Variants in FAT3 observed in about 807,000 individuals in gnomAD.
FAT3 encodes FAT atypical cadherin 3, also known as protocadherin Fat 3.
FAT3 carries 95 observed loss-of-function variants against 310.2 expected under a neutral mutation model. The observed-to-expected ratio is 0.31, with a 90% CI of 0.26 to 0.36. The LOEUF (loss-of-function observed/expected upper bound fraction) is 0.36. Among genes scored for constraint, FAT3 ranks in the 10% least tolerant of loss-of-function variants. The pLI, the probability that FAT3 is intolerant of heterozygous loss-of-function variation, is 1.00. For missense variants in FAT3, 5,408 were observed against 5,715.6 expected, an observed-to-expected ratio of 0.95 and a Z score of 1.74; for synonymous variants, 2,314 against 2,192.9, an observed-to-expected ratio of 1.06 and a Z score of -1.54.
At chr11:92,533,888 AG>A (rs1428770521) in intron 3 of FAT3, among the ~76,000 whole-genome samples, 1 of 152,072 alleles carries the variant, frequency 6.6e-6, no homozygotes, top group Non-Finnish European at 1.5e-5. Context: ...ATTATTTGGG[AG>A]GGTGATAGAG....
At chr11:92,674,805 A>G (rs574484092) in intron 3 of FAT3, among the ~76,000 whole-genome samples, 1 of 152,316 alleles carries the variant, frequency 6.6e-6, no homozygotes, top group African/African-American at 2.4e-5. Flanking sequence ...CTAGGATTAC[A>G]GGCATAAGCC....
At chr11:92,484,875 T>G (rs1234527767) in intron 2 of FAT3, among the ~76,000 whole-genome samples, 1 of 152,222 alleles carries the variant, frequency 6.6e-6, no homozygotes, top group Non-Finnish European at 1.5e-5. Flanking sequence ...ACTGAATTTA[T>G]TTTTTCATAA....
chr11:92,732,010 T>C (rs1379980077), intron 4 of FAT3, among the ~76,000 whole-genome samples: 1 of 152,214 alleles, frequency 6.6e-6, no homozygotes. Flanking sequence ...TAGTCTCCTG[T>C]CACCTTCTTC....
At chr11:92,336,170 C>T (rs1264128142) in intron 1 of FAT3, 3 of 560,728 alleles carry the variant, frequency 5.4e-6, no homozygotes, top group African/African-American at 3.8e-5. Flanking sequence ...TGTAATCAGG[C>T]AGATAGGCCA....
At chr11:92,633,262 C>T (rs957554380) in intron 3 of FAT3, among the ~76,000 whole-genome samples, 1 of 152,078 alleles carries the variant, frequency 6.6e-6, no homozygotes, top group Non-Finnish European at 1.5e-5. Context: ...AGACAGCTTT[C>T]ACAGCCTTGA....
At chr11:92,837,466 G>T (rs531449778) in intron 16 of FAT3, among the ~76,000 whole-genome samples, 197 bp from the exon 17 acceptor site, 1 of 152,280 alleles carries the variant, frequency 6.6e-6, no homozygotes, top group South Asian at 2.1e-4. Flanking sequence ...ATCCTAAAAT[G>T]CACAGGTCAG....
At chr11:92,746,509 T>C in intron 4 of FAT3, among the ~76,000 whole-genome samples, 1 of 152,140 alleles carries the variant, frequency 6.6e-6, no homozygotes, top group Non-Finnish European at 1.5e-5. Flanking sequence ...TATGGCCAAA[T>C]CATATCATTC....
At chr11:92,335,933 A>G (rs541394202) in intron 1 of FAT3, 73 of 357,846 alleles carry the variant, frequency 2.0e-4, no homozygotes, top group African/African-American at 1.2e-3. Context: ...ATTGACTCCT[A>G]TGGATTTTTT....
At chr11:92,269,932 G>C (rs906405328) in intron 1 of FAT3, among the ~76,000 whole-genome samples, 1 of 152,100 alleles carries the variant, frequency 6.6e-6, no homozygotes, top group Non-Finnish European at 1.5e-5. Flanking sequence ...GTCTGTTGAA[G>C]CTCACTTCTT....
At chr11:92,782,037 T>C (rs186454750) in intron 7 of FAT3, among the ~76,000 whole-genome samples, 1 of 152,254 alleles carries the variant, frequency 6.6e-6, no homozygotes, top group Non-Finnish European at 1.5e-5. Context: ...AGGCCAGGCA[T>C]GGTGGCTCAC....
Position 92,890,712 on chromosome 11 carries a change from G to A in FAT3, c.13369G>A (p.Glu4457Lys), listed in dbSNP as rs751313781. ...SQDQLPPPLPEDFPDQYEALP... is the reference protein window; with the variant it reads ...SQDQLPPPLPKDFPDQYEALP... The stretch of plus-strand genomic sequence containing the variant: ...GGACCAGCTGCCTCCTCCTCTCCCG[G>A]AGGACTTCCCAGACCAATATGAGGC... The change falls in exon 28 of 28, where the codon GAG (glutamate) becomes AAG (lysine). Residue 4457 changes from glutamate to lysine, a missense_variant. This residue lies in a region of FAT3 where 649 missense variants were observed against 666.2 expected (regional missense o/e 0.97). Transcript: ENST00000525166. 25 of 1,613,416 alleles carry A rather than the reference G, an allele frequency of 1.5e-5. No homozygotes were observed. In the Middle Eastern group the frequency reaches 6.6e-4, roughly 42 times the overall value.
intron 1 of FAT3, among the ~76,000 whole-genome samples, chr11:92,350,923 G>T (rs1431774952): frequency 6.6e-6 from 1 of 151,988 alleles, no homozygotes; most frequent in Non-Finnish European, 1.5e-5. Context: ...TCATATTTGG[G>T]GGTTCTAAAA....
chr11:92,470,768 G>C (rs1245968488), intron 2 of FAT3, among the ~76,000 whole-genome samples: 1 of 152,020 alleles, frequency 6.6e-6, no homozygotes, highest in East Asian at 1.9e-4. Context: ...CTTGTAATCT[G>C]GTACTTTTCA....
intron 3 of FAT3, among the ~76,000 whole-genome samples, chr11:92,637,531 C>G (rs926394495): frequency 6.6e-6 from 1 of 152,224 alleles, no homozygotes; most frequent in African/African-American, 2.4e-5. Flanking sequence ...CAGAATCTCT[C>G]TGTCATTAAT....
At chr11:92,436,011 C>T (rs546329457) in intron 2 of FAT3, among the ~76,000 whole-genome samples, 4 of 152,350 alleles carry the variant, frequency 2.6e-5, no homozygotes, top group Non-Finnish European at 5.9e-5. Flanking sequence ...AATTAAAGCA[C>T]ATGTGATGAT....
At chr11:92,614,693 GAAAA>G (rs1275038307) in intron 3 of FAT3, among the ~76,000 whole-genome samples, 1 of 151,946 alleles carries the variant, frequency 6.6e-6, no homozygotes, top group African/African-American at 2.4e-5. Flanking sequence ...CTTATTTGAA[GAAAA>G]AAAGTTTTAC....
intron 2 of FAT3, among the ~76,000 whole-genome samples, chr11:92,522,339 G>A (rs1162867311): frequency 1.3e-5 from 2 of 152,106 alleles, no homozygotes; most frequent in African/African-American, 4.8e-5. Context: ...ACTCACAGAT[G>A]TGCTCACACC....
At chr11:92,505,505 C>T (rs983323173) in intron 2 of FAT3, among the ~76,000 whole-genome samples, 11 of 152,118 alleles carry the variant, frequency 7.2e-5, no homozygotes, top group Admixed American at 7.2e-4. Context: ...ATCTCTGCAG[C>T]AGAGCAAGGT....
chr11:92,838,172 C>T (rs1384523599), intron 17 of FAT3, among the ~76,000 whole-genome samples: 2 of 152,182 alleles, frequency 1.3e-5, no homozygotes, highest in African/African-American at 4.8e-5. Context: ...AGGATTTGAA[C>T]TTGGGGCTGT....
Sources: gnomAD v4.1 joint callset for allele counts (sites outside exome capture counted in the v4.1 genomes callset) on GRCh38, gnomAD v4.1.1 for gene constraint, gnomAD v4.1.1 regional missense constraint, MANE v1.5 for transcripts, NCBI Gene and HGNC (gene_info 2026-07-23, HGNC 2026-07-21) for gene names.